Variants in CDH13 observed in about 807,000 individuals in gnomAD.
The protein encoded by CDH13 is cadherin-13.
In CDH13, 24 loss-of-function variants were observed where a neutral mutation model predicts 63.8. The observed-to-expected ratio is 0.38, with a 90% CI of 0.27 to 0.53. The LOEUF is 0.53. Ranked by LOEUF, CDH13 falls within the 20% of genes least tolerant of loss-of-function variation. The pLI, the probability that CDH13 is intolerant of heterozygous loss-of-function variation, is 0.85. For synonymous variants in CDH13, 503 were observed against 355.3 expected, an observed-to-expected ratio of 1.42 and a Z score of -4.67; for missense variants, 1,049 against 903.1, an observed-to-expected ratio of 1.16 and a Z score of -2.07.
chr16:83,505,859 G>A (rs2074383741), intron 7 of CDH13, among the ~76,000 whole-genome samples: 1 of 152,174 alleles, frequency 6.6e-6, no homozygotes, highest in Non-Finnish European at 1.5e-5. Context: ...CTGCAGATAT[G>A]ATGTGATTAT....
chr16:82,947,436 T>C (rs1567684791), intron 2 of CDH13, among the ~76,000 whole-genome samples: 1 of 152,196 alleles, frequency 6.6e-6, no homozygotes, highest in Non-Finnish European at 1.5e-5. Context: ...TATTAGATCA[T>C]GAAATCAGAT....
At chr16:82,678,554 G>A (rs918135766) in intron 1 of CDH13, among the ~76,000 whole-genome samples, 4 of 152,224 alleles carry the variant, frequency 2.6e-5, no homozygotes, top group Admixed American at 6.5e-5. Context: ...AGCCTTCTCC[G>A]GATGAGGAAG....
At chr16:83,016,442 G>A (rs1400552508) in intron 2 of CDH13, among the ~76,000 whole-genome samples, 1 of 152,182 alleles carries the variant, frequency 6.6e-6, no homozygotes, top group East Asian at 1.9e-4. Flanking sequence ...ACCAAGCCTA[G>A]CCAGAGATAT....
chr16:83,334,867 C>G (rs1317424822), intron 5 of CDH13, among the ~76,000 whole-genome samples: 1 of 152,166 alleles, frequency 6.6e-6, no homozygotes, highest in Non-Finnish European at 1.5e-5. Flanking sequence ...TCGTGATGAT[C>G]TAATTGGACC....
chr16:83,407,663 C>T (rs2092067728), intron 6 of CDH13, among the ~76,000 whole-genome samples: 1 of 152,160 alleles, frequency 6.6e-6, no homozygotes. Flanking sequence ...TTTATTTAAG[C>T]TGCAAATAAA....
intron 5 of CDH13, among the ~76,000 whole-genome samples, chr16:83,241,963 TTTTA>T (rs1904496477): frequency 6.6e-6 from 1 of 152,164 alleles, no homozygotes; most frequent in African/African-American, 2.4e-5. Context: ...AGTTGTATAG[TTTTA>T]GGTCTCACAT....
intron 1 of CDH13, among the ~76,000 whole-genome samples, chr16:82,750,812 C>G (rs139990690): frequency 6.6e-6 from 1 of 152,006 alleles, no homozygotes; most frequent in Non-Finnish European, 1.5e-5. Context: ...TAGGCAAAGA[C>G]TCTGATTTCC....
chr16:83,711,288 T>C lies in CDH13; in HGVS notation c.1538+32827T>C, dbSNP rs143832250. 1.8e-3 allele frequency among the ~76,000 whole-genome samples: 273 copies of C among 152,286 alleles called. 1 individual carries two copies. The highest frequency in any genetic ancestry group is 3.1e-3 in the Non-Finnish European group (211 of 68,010). Reference sequence around the variant, plus strand: ...AAGGAATAAAAGCCTCCTGTGCTCATTGCATTCTGTGAGCAAACAATAGCG... The same window carrying C: ...AAGGAATAAAAGCCTCCTGTGCTCACTGCATTCTGTGAGCAAACAATAGCG... On this transcript the variant is annotated intron_variant, in intron 10 of 13. Coordinates refer to ENST00000567109, the MANE Select transcript of CDH13 (RefSeq NM_001257.5).
rs539914731 is a variant in CDH13, at chr16:83,695,071, G to A, written c.1538+16610G>A. Among the ~76,000 whole-genome samples the A allele has an allele frequency of 3.4e-4, 51 of 152,192 alleles. No homozygotes were observed. In the East Asian group the frequency reaches 9.9e-3, roughly 30 times the overall value. ...AAAATACAAAAATTAGCCAGGTGTG[G>A]TGGCGCGTGCCCATAGTCCCAGCTA... On this transcript the variant is annotated intron_variant, in intron 10 of 13. Transcript: ENST00000567109.
intron 1 of CDH13, among the ~76,000 whole-genome samples, chr16:82,764,369 C>G (rs938944490): frequency 1.2e-4 from 19 of 152,152 alleles, no homozygotes; most frequent in Non-Finnish European, 2.5e-4. Context: ...TTCTTCTCCT[C>G]TACTCTCTGA....
At chr16:82,726,702 A>C (rs1162010945) in intron 1 of CDH13, among the ~76,000 whole-genome samples, 1 of 152,254 alleles carries the variant, frequency 6.6e-6, no homozygotes, top group African/African-American at 2.4e-5. Context: ...TTGGTAGAGA[A>C]AATTTGTAAG....
At chr16:82,748,121 A>C (rs886910549) in intron 1 of CDH13, among the ~76,000 whole-genome samples, 1 of 152,156 alleles carries the variant, frequency 6.6e-6, no homozygotes, top group Non-Finnish European at 1.5e-5. Context: ...GAGCAGCTGC[A>C]CTATAATAAA....
At chr16:83,157,708 C>T (rs1597436516) in intron 4 of CDH13, among the ~76,000 whole-genome samples, 1 of 129,428 alleles carries the variant, frequency 7.7e-6, no homozygotes, top group South Asian at 2.5e-4. Flanking sequence ...TCCGGGCTAA[C>T]AGGGTGAAAC....
At chr16:83,020,188 T>C (rs1423716953) in intron 2 of CDH13, among the ~76,000 whole-genome samples, 1 of 152,248 alleles carries the variant, frequency 6.6e-6, no homozygotes, top group East Asian at 1.9e-4. Flanking sequence ...TATGAATATT[T>C]GCATTGTTCT....
At chr16:83,475,062 G>A (rs1002421745) in intron 6 of CDH13, among the ~76,000 whole-genome samples, 3 of 152,222 alleles carry the variant, frequency 2.0e-5, no homozygotes, top group Admixed American at 1.3e-4. Context: ...TCTTGACCAC[G>A]ACTGGCTGCG....
chr16:83,353,209 G>C (rs1487100433), intron 6 of CDH13, among the ~76,000 whole-genome samples: 1 of 152,250 alleles, frequency 6.6e-6, no homozygotes, highest in Non-Finnish European at 1.5e-5. Context: ...CACTTGTACT[G>C]TTAAATCTAT....
At chr16:82,719,364 A>G (rs2032609633) in intron 1 of CDH13, 1 of 455,756 alleles carries the variant, frequency 2.2e-6, no homozygotes, top group Non-Finnish European at 4.4e-6. Flanking sequence ...CTTTGGAGTC[A>G]GGTGGTCCTG....
chr16:83,487,608 G>A (rs1227704119), intron 7 of CDH13, among the ~76,000 whole-genome samples: 3 of 152,078 alleles, frequency 2.0e-5, no homozygotes, highest in Non-Finnish European at 4.4e-5. Flanking sequence ...AAACCAACTC[G>A]TGGATTCCTA....
chr16:82,830,594 A>G (rs545638663), intron 1 of CDH13, among the ~76,000 whole-genome samples: 8 of 152,266 alleles, frequency 5.3e-5, no homozygotes, highest in Admixed American at 6.5e-5. Flanking sequence ...TTCTTTCCTC[A>G]CACTCATCTT....
Sources: gnomAD v4.1 joint callset for allele counts (sites outside exome capture counted in the v4.1 genomes callset) on GRCh38, gnomAD v4.1.1 for gene constraint, MANE v1.5 for transcripts, NCBI Gene and HGNC (gene_info 2026-07-23, HGNC 2026-07-21) for gene names.